Variants in PDE4B observed in about 807,000 individuals in gnomAD.
PDE4B encodes the protein phosphodiesterase 4B.
In PDE4B, 20 loss-of-function variants were observed where a neutral mutation model predicts 82.2. The ratio of observed to expected loss-of-function variants is 0.24; its 90% confidence interval spans 0.17 to 0.35. PDE4B has a LOEUF of 0.35. Among genes scored for constraint, PDE4B ranks in the 10% least tolerant of loss-of-function variants. The pLI is 1.00. For missense variants in PDE4B, 655 were observed against 907.2 expected (o/e 0.72, Z 3.57); for synonymous variants, 320 against 318.9 (o/e 1.00, Z -0.04).
chr1:65,796,109 C>T (rs970700444), intron 1 of PDE4B, among the ~76,000 whole-genome samples: 3 of 152,194 alleles, frequency 2.0e-5, no homozygotes, highest in Middle Eastern at 3.2e-3. Flanking sequence ...TTCCCTTATA[C>T]ACAATGCGTC....
At chr1:66,283,568 T>TTA (rs1325695770) in intron 7 of PDE4B, among the ~76,000 whole-genome samples, 1 of 152,166 alleles carries the variant, frequency 6.6e-6, no homozygotes, top group African/African-American at 2.4e-5. Flanking sequence ...TACAACTTTT[T>TTA]AAAAAATTAC....
chr1:65,921,922 C>T (rs1049477537), intron 3 of PDE4B, among the ~76,000 whole-genome samples: 3 of 152,114 alleles, frequency 2.0e-5, no homozygotes, highest in African/African-American at 7.2e-5. Flanking sequence ...TAGATCAAGC[C>T]ATCAAAGACA....
chr1:66,191,944 A>G (rs993498948), intron 3 of PDE4B, among the ~76,000 whole-genome samples: 8 of 152,168 alleles, frequency 5.3e-5, no homozygotes, highest in Admixed American at 2.6e-4. Flanking sequence ...CATGATTTCA[A>G]TTATCTCCCA....
rs539322713 is a variant in PDE4B at position 66,218,175 on chromosome 1, C to T, written c.282-29285C>T. 3.9e-5 allele frequency among the ~76,000 whole-genome samples: 6 copies of T among 152,190 alleles called. No individual in the cohort carries two copies. The South Asian group carries it at 6.2e-4, about 16-fold the overall frequency. ...ATGGGAACTGCAGGAAGATTCAATGCACTCCAAAATAGTAGCTTCTAACTA... is the reference window on the plus strand; with the variant it reads ...ATGGGAACTGCAGGAAGATTCAATGTACTCCAAAATAGTAGCTTCTAACTA... On this transcript the variant is annotated intron_variant, in intron 3 of 16. Coordinates refer to ENST00000341517, the MANE Select transcript of PDE4B (RefSeq NM_002600.4).
rs1432896450 is a variant in PDE4B at position 66,306,748 on chromosome 1, C to G, written c.635-25760C>G. Among the ~76,000 whole-genome samples the G allele has an allele frequency of 2.6e-5, 4 of 152,186 alleles. No homozygotes were observed. In the East Asian group the frequency reaches 7.7e-4, roughly 29 times the overall value. Reference sequence around the variant, plus strand: ...AAATCCAGTGGGAGTAAGTAACTTGCCTGTGATCACTCAGTAAGTTAGTGA... The same window carrying G: ...AAATCCAGTGGGAGTAAGTAACTTGGCTGTGATCACTCAGTAAGTTAGTGA... On this transcript the variant is annotated intron_variant, in intron 7 of 16. Coordinates refer to ENST00000341517, the MANE Select transcript of PDE4B (RefSeq NM_002600.4).
chr1:65,996,945 A>T (rs1385544775), intron 3 of PDE4B, among the ~76,000 whole-genome samples: 1 of 152,188 alleles, frequency 6.6e-6, no homozygotes, highest in African/African-American at 2.4e-5. Context: ...TATGAAGCAC[A>T]GTGTTATCCT....
chr1:66,203,581 G>C (rs1244409462), intron 3 of PDE4B, among the ~76,000 whole-genome samples: 1 of 151,818 alleles, frequency 6.6e-6, no homozygotes, highest in Non-Finnish European at 1.5e-5. Context: ...TTCCCTTCTT[G>C]CTTCGTTTCA....
chr1:65,833,308 A>G (rs747298134), intron 1 of PDE4B, among the ~76,000 whole-genome samples: 13 of 152,214 alleles, frequency 8.5e-5, no homozygotes, highest in Non-Finnish European at 1.2e-4. Flanking sequence ...CCGCTTTGTT[A>G]GAAGCAAAGC....
At chr1:66,301,274 A>G (rs1290517079) in intron 7 of PDE4B, among the ~76,000 whole-genome samples, 1 of 152,122 alleles carries the variant, frequency 6.6e-6, no homozygotes, top group African/African-American at 2.4e-5. Flanking sequence ...TTCTCATTTG[A>G]TCAGCAAGTA....
chr1:66,113,322 A>C (rs1046204135), intron 3 of PDE4B, among the ~76,000 whole-genome samples: 5 of 152,200 alleles, frequency 3.3e-5, no homozygotes, highest in Non-Finnish European at 5.9e-5. Flanking sequence ...GAAAACATCA[A>C]TTTACATTAT....
intron 7 of PDE4B, among the ~76,000 whole-genome samples, chr1:66,272,141 G>A (rs988018218): frequency 2.6e-5 from 4 of 152,172 alleles, no homozygotes; most frequent in Non-Finnish European, 4.4e-5. Flanking sequence ...TGCCTGCCTC[G>A]AGCCTGGTCA....
intron 8 of PDE4B, among the ~76,000 whole-genome samples, chr1:66,339,874 C>T (rs1314299309): frequency 2.1e-5 from 3 of 145,622 alleles, no homozygotes; most frequent in South Asian, 2.1e-4. Context: ...AGAATATGTC[C>T]GAGTCTAAAA....
intron 3 of PDE4B, among the ~76,000 whole-genome samples, chr1:65,943,852 T>C (rs920895949): frequency 3.3e-5 from 5 of 152,174 alleles, no homozygotes; most frequent in Non-Finnish European, 5.9e-5. Context: ...ACTGAAACTT[T>C]ACCGAATTTT....
intron 3 of PDE4B, among the ~76,000 whole-genome samples, chr1:66,189,637 C>T (rs1459637047): frequency 2.0e-5 from 3 of 152,190 alleles, no homozygotes; most frequent in African/African-American, 7.2e-5. Context: ...GCTATTGAGG[C>T]TTGTGCATTC....
At chr1:66,228,158 C>T (rs1327879065) in intron 3 of PDE4B, among the ~76,000 whole-genome samples, 1 of 152,230 alleles carries the variant, frequency 6.6e-6, no homozygotes, top group East Asian at 1.9e-4. Context: ...AGACATCTGT[C>T]TTGTTAACCT....
chr1:66,369,209 A>T (rs1178759341), intron 16 of PDE4B, among the ~76,000 whole-genome samples: 2 of 152,210 alleles, frequency 1.3e-5, no homozygotes, highest in African/African-American at 2.4e-5. Flanking sequence ...TCCCTAAATC[A>T]TTTAGATAGT....
At chr1:66,162,430 A>G (rs1250356972) in intron 3 of PDE4B, among the ~76,000 whole-genome samples, 1 of 140,314 alleles carries the variant, frequency 7.1e-6, no homozygotes. Context: ...CTCATTTGGG[A>G]CTGGTGTCCA....
At chr1:66,296,818 A>T (rs575330455) in intron 7 of PDE4B, among the ~76,000 whole-genome samples, 2 of 152,282 alleles carry the variant, frequency 1.3e-5, no homozygotes, top group Non-Finnish European at 2.9e-5. Context: ...CTTACACGAA[A>T]TTTTTTGGAG....
At chr1:66,097,639 T>C (rs1645142587) in intron 3 of PDE4B, among the ~76,000 whole-genome samples, 1 of 152,042 alleles carries the variant, frequency 6.6e-6, no homozygotes, top group Non-Finnish European at 1.5e-5. Flanking sequence ...GGTTATAGCC[T>C]ATACTTTTTT....
Sources: allele counts gnomAD v4.1 joint callset (sites outside exome capture counted in the v4.1 genomes callset), GRCh38; gene constraint gnomAD v4.1.1; transcripts MANE v1.5; gene names NCBI Gene and HGNC (gene_info 2026-07-23, HGNC 2026-07-21).